Variants in ENTPD4 observed in about 807,000 individuals in gnomAD.
ENTPD4 encodes ectonucleoside triphosphate diphosphohydrolase 4, also known as Golgi UDPase.
ENTPD4 carries 60 observed loss-of-function variants against 79.1 expected under a neutral mutation model. That is an observed-to-expected ratio of 0.76 (90% CI 0.62 to 0.94). The LOEUF (loss-of-function observed/expected upper bound fraction) is 0.94, where lower values mean the gene tolerates loss of function less well. Ranked by LOEUF, ENTPD4 falls within the 40% of genes least tolerant of loss-of-function variation. The pLI is 0.00. For synonymous variants in ENTPD4, 276 were observed against 292.0 expected, an observed-to-expected ratio of 0.95 and a Z score of 0.56; for missense variants, 772 against 775.1, an observed-to-expected ratio of 1.00 and a Z score of 0.05.
In ENTPD4 at chr8:23,431,861, C is replaced by A; in HGVS notation, c.*1065G>T. ...TCAAAACCACAGTGTTCTAATGCCA[C>A]TGAAATATGGAATAAGGAGCGTAAT... On this transcript the variant is annotated 3_prime_UTR_variant, in exon 13 of 13. Coordinates refer to ENST00000358689, the MANE Select transcript of ENTPD4 (RefSeq NM_004901.5). 1.2e-5 allele frequency: 12 copies of A among 985,370 alleles called. No individual in the cohort carries two copies. The highest frequency in any genetic ancestry group is 1.4e-5 in the Non-Finnish European group (12 of 829,924). The allele number at this position is 985,370 out of a possible 1,614,324, so 61.0% of individuals were successfully genotyped here.
In ENTPD4 at chr8:23,429,440, A is replaced by G. The variant is rs1284926799; in HGVS notation, c.*3486T>C. Reference sequence around the variant, plus strand: ...AGGGAAACTTAGTATCAAAAGAAACAAAACACTGAAATAAATAACTAAGTA... The same window carrying G: ...AGGGAAACTTAGTATCAAAAGAAACGAAACACTGAAATAAATAACTAAGTA... On this transcript the variant is annotated 3_prime_UTR_variant, in exon 13 of 13. Transcript: ENST00000358689. 4.1e-6 allele frequency: 4 copies of G among 985,070 alleles called. No homozygotes were observed. Among genetic ancestry groups the G allele is most frequent in the Non-Finnish European group, 3.6e-6 (3 of 829,676 alleles). The allele number at this position is 985,070 out of a possible 1,614,324, so 61.0% of individuals were successfully genotyped here.
rs540719910 is a variant in ENTPD4 at position 23,435,446 on chromosome 8, C to T, written c.1406G>A (p.Arg469Gln). The change falls in exon 11 of 13, where the codon CGG (arginine) becomes CAG (glutamine). Residue 469 changes from arginine to glutamine, a missense_variant. Physicochemically the swap from Arg to Gln is conservative, Grantham distance 43 (BLOSUM62 1). Coordinates refer to ENST00000358689, the MANE Select transcript of ENTPD4 (RefSeq NM_004901.5). The part of the protein sequence containing the change: ...DYCATKWSIL[R>Q]ERFDRGLYAS... ...GTACAGTCCTCGGTCAAAGCGTTCC[C>T]GCAAAATGGACCACTTTGTTGCACA... is the stretch of plus-strand genomic sequence containing the variant. 103 of 1,614,020 alleles carry T rather than the reference C, an allele frequency of 6.4e-5. No homozygotes were observed. In the South Asian group the frequency reaches 8.6e-4, roughly 13 times the overall value.
chr8:23,447,975 AT>A (rs1362931033), intron 3 of ENTPD4, 90 bp from the exon 4 acceptor site: 4 of 1,014,902 alleles, frequency 3.9e-6, no homozygotes, highest in Non-Finnish European at 6.2e-6. Context: ...CAAGTCAGTA[AT>A]TTCTAAGCTA....
chr8:23,456,075 T>G (rs1800952630), intron 1 of ENTPD4, among the ~76,000 whole-genome samples: 1 of 152,216 alleles, frequency 6.6e-6, no homozygotes, highest in African/African-American at 2.4e-5. Context: ...GCCTTCAAAA[T>G]ATGATCAGCT....
chr8:23,435,509 G>A lies in ENTPD4; in HGVS notation c.1375-32C>T, dbSNP rs200803510. ...ACAAATTCACCAAAATAGATCACTA[G>A]TAAAGGCTTATTAAAATTCTCACTT... On this transcript the variant is annotated intron_variant, in intron 10 of 12. Transcript: ENST00000358689. The A allele has an allele frequency of 4.0e-6, 6 of 1,490,352 alleles. No individual in the cohort carries two copies. The Admixed American group carries it at 1.0e-4, about 25-fold the overall frequency. The allele number at this position is 1,490,352 out of a possible 1,614,324, so 92.3% of individuals were successfully genotyped here.
At chr8:23,454,817 T>C (rs555443231) in intron 1 of ENTPD4, among the ~76,000 whole-genome samples, 77 of 152,256 alleles carry the variant, frequency 5.1e-4, no homozygotes, top group Non-Finnish European at 8.4e-4. Context: ...AGCTTATAAC[T>C]GCTGAAGCAC....
At chr8:23,449,809 T>C in intron 2 of ENTPD4, 84 bp downstream of exon 2, 1 of 1,218,142 alleles carries the variant, frequency 8.2e-7, no homozygotes, top group African/African-American at 1.5e-5. Context: ...ATTTTTCACT[T>C]GCGATTTAGA....
intron 4 of ENTPD4, among the ~76,000 whole-genome samples, chr8:23,446,524 T>C (rs1800765906): frequency 6.6e-6 from 1 of 152,238 alleles, no homozygotes; most frequent in South Asian, 2.1e-4. Flanking sequence ...TCTTTGTTCA[T>C]GGAAATGTAC....
chr8:23,437,569 T>A (rs952247199), intron 9 of ENTPD4, among the ~76,000 whole-genome samples: 3 of 152,178 alleles, frequency 2.0e-5, no homozygotes, highest in Admixed American at 6.5e-5. Context: ...AAGGCAACTG[T>A]GTTACCAGCC....
intron 8 of ENTPD4, among the ~76,000 whole-genome samples, chr8:23,440,741 T>C (rs561337603): frequency 1.2e-4 from 19 of 152,366 alleles, no homozygotes; most frequent in African/African-American, 4.6e-4. Flanking sequence ...GGATGCATTA[T>C]CTCATTTAAA....
rs375225673 is a variant in ENTPD4, at chr8:23,442,060, T to C, written c.674A>G (p.Tyr225Cys). Residue 225 changes from tyrosine (Y) to cysteine (C), a missense_variant, in exon 7 of 13, where the codon TAT becomes TGT. Tyr to Cys is a radical substitution (Grantham distance 194). Transcript: ENST00000358689. ...GACAAAATTAATGCCAATCCAAGCA[T>C]ACACACCTATAGACATTTTACAGGG... ...EVISGKQEGV[Y>C]AWIGINFVLG... is the part of the protein sequence containing the mutation. 1.2e-6 allele frequency: 2 copies of C among 1,612,554 alleles called. No individual in the cohort carries two copies. Among genetic ancestry groups the C allele is most frequent in the Admixed American group, 1.7e-5 (1 of 60,018 alleles).
intron 11 of ENTPD4, 73 bp downstream of exon 11, chr8:23,435,319 G>A: frequency 2.9e-6 from 3 of 1,028,618 alleles, no homozygotes; most frequent in Non-Finnish European, 3.0e-6. Context: ...AGGCCAGGGT[G>A]TGGCAAGCCA....
chr8:23,441,173 T>G (rs1408858577), intron 8 of ENTPD4, among the ~76,000 whole-genome samples: 4 of 151,908 alleles, frequency 2.6e-5, no homozygotes, highest in Non-Finnish European at 5.9e-5. Flanking sequence ...ACCTCAATCT[T>G]CCCCAAGGAA....
chr8:23,429,704 G>A lies in ENTPD4; in HGVS notation c.*3222C>T, dbSNP rs762212056. 1.1e-5 allele frequency: 11 copies of A among 985,308 alleles called. No individual in the cohort carries two copies. The highest frequency in any genetic ancestry group is 1.7e-5 in the African/African-American group (1 of 57,238). 61.0% of individuals were successfully genotyped at this position (985,308 alleles called of 1,614,324 possible). A position where few individuals can be genotyped will look rare whatever the true frequency, so the allele number is the denominator to read the frequency against. On this transcript the variant is annotated 3_prime_UTR_variant, in exon 13 of 13. Transcript: ENST00000358689. The stretch of plus-strand genomic sequence containing the variant: ...TGTGGAAAACTGGTGGTGAAAAGAG[G>A]GACCTACCCAGCCTTCAGGGTGGCT...
At chr8:23,441,900 TAC>T in intron 7 of ENTPD4, 105 bp downstream of exon 7, 1 of 1,177,036 alleles carries the variant, frequency 8.5e-7, no homozygotes. Flanking sequence ...ATTCTACTCC[TAC>T]ACGCTTAGGA....
In ENTPD4 at chr8:23,435,404, AG is replaced by A; in HGVS notation, c.1447del (p.Leu483SerfsTer31). On this transcript the variant is annotated frameshift_variant, in exon 11 of 13. Transcript: ENST00000358689. LOFTEE classifies it high-confidence loss of function. ...DRGLYASHAD[L>X]HRLKYQCFKS... is the part of the protein sequence containing the mutation. ...TTCTAGTACTTACTTAAGCCTGTGG[AG>A]GTCAGCATGAGAGGCGTACAGTCCT... is the stretch of plus-strand genomic sequence containing the variant. The A allele has an allele frequency of 2.5e-6, 4 of 1,613,216 alleles. No individual in the cohort carries two copies. The highest frequency in any genetic ancestry group is 3.4e-6 in the Non-Finnish European group (4 of 1,179,270).
intron 4 of ENTPD4, among the ~76,000 whole-genome samples, chr8:23,446,007 G>C (rs190560303): frequency 6.6e-6 from 1 of 151,910 alleles, no homozygotes; most frequent in East Asian, 1.9e-4. Context: ...TGACTAAACT[G>C]TAAGTTTTTG....
In ENTPD4 at chr8:23,447,818, C is replaced by A; in HGVS notation, c.274G>T (p.Val92Leu). ...TNNPNVNYGI[V>L]VDCGSSGSRV... Reference sequence around the variant, plus strand: ...GACCCACTGCTACCACAGTCCACCACGATCCCATAGTTCACATTGGGGTTA... The same window carrying A: ...GACCCACTGCTACCACAGTCCACCAAGATCCCATAGTTCACATTGGGGTTA... The change falls in exon 4 of 13, where the codon GTG becomes TTG. Residue 92 changes from valine (V) to leucine (L), a missense_variant. Coordinates refer to ENST00000358689, the MANE Select transcript of ENTPD4 (RefSeq NM_004901.5). 3 of 1,614,178 alleles carry A rather than the reference C, an allele frequency of 1.9e-6. No homozygotes were observed. The highest frequency in any genetic ancestry group is 2.5e-6 in the Non-Finnish European group (3 of 1,179,996).
In ENTPD4 at chr8:23,437,264, G is replaced by T; in HGVS notation, c.1050-6C>A. 6.4e-7 allele frequency: 1 copy of T among 1,563,404 alleles called. No homozygotes were observed. The highest frequency in any genetic ancestry group is 8.6e-7 in the Non-Finnish European group (1 of 1,157,434). The stretch of plus-strand genomic sequence containing the variant: ...CAGTCTGTTTACCCAGGAGCCTATG[G>T]CAAAACAAGAAACTTCATCGTGAGT... On this transcript the variant is annotated splice_region_variant and splice_polypyrimidine_tract_variant and intron_variant, in intron 9 of 12. Coordinates refer to ENST00000358689, the MANE Select transcript of ENTPD4 (RefSeq NM_004901.5).
Sources: gnomAD v4.1 joint callset for allele counts (sites outside exome capture counted in the v4.1 genomes callset) on GRCh38, gnomAD v4.1.1 for gene constraint, MANE v1.5 for transcripts, NCBI Gene and HGNC (gene_info 2026-07-23, HGNC 2026-07-21) for gene names.